The following THSD7B variants were observed in gnomAD, a reference collection of about 807,000 sequenced individuals.
The protein encoded by THSD7B is thrombospondin type 1 domain containing 7B.
Under a neutral mutation model 213.6 loss-of-function variants are expected in THSD7B, and 138 were observed. That is an observed-to-expected ratio of 0.65 (90% CI 0.56 to 0.74). THSD7B has a LOEUF of 0.74. Among genes scored for constraint, THSD7B ranks in the 30% least tolerant of loss-of-function variants. The probability of loss-of-function intolerance (pLI) is 0.00; values close to 1 mark genes in which losing one functional copy is unlikely to be tolerated. For missense variants in THSD7B, 1,931 were observed against 1,991.5 expected (o/e 0.97, Z 0.58); for synonymous variants, 742 against 687.0 (o/e 1.08, Z -1.25).
At chr2:137,494,934 G>T (rs768747514) in intron 15 of THSD7B, among the ~76,000 whole-genome samples, 7 of 152,012 alleles carry the variant, frequency 4.6e-5, no homozygotes, top group Non-Finnish European at 5.9e-5. Flanking sequence ...CCCATATTTT[G>T]TATCACCTTC....
rs7597219 is a variant in THSD7B, at chr2:137,451,265, C to A, written c.3138+242C>A. ...AGTAATAATATTTACAAAATCAAAT[C>A]AAATTGATTTTAAAATAATCTTAAG... On this transcript the variant is annotated intron_variant, in intron 15 of 27. Coordinates refer to ENST00000409968, the MANE Select transcript of THSD7B (RefSeq NM_001316349.2). Among the ~76,000 whole-genome samples, 1,384 of 151,774 alleles carry A rather than the reference C, an allele frequency of 9.1e-3. 18 individuals are homozygous for A. Among genetic ancestry groups the A allele is most frequent in the African/African-American group, 0.031 (1,283 of 41,404 alleles).
At chr2:137,665,239 C>T (rs957050873) in intron 26 of THSD7B, among the ~76,000 whole-genome samples, 6 of 152,102 alleles carry the variant, frequency 3.9e-5, no homozygotes, top group Non-Finnish European at 7.4e-5. Flanking sequence ...ATTTCTGACA[C>T]AGAATTAAGT....
At chr2:137,189,259 A>G (rs71419528) in intron 7 of THSD7B, among the ~76,000 whole-genome samples, 7,016 of 152,322 alleles carry the variant, frequency 0.046, 199 homozygotes, top group Admixed American at 0.069. Flanking sequence ...AATTCTTGTC[A>G]GAAAACTGGT....
At chr2:137,088,396 C>G (rs980426736) in intron 3 of THSD7B, among the ~76,000 whole-genome samples, 13 of 151,834 alleles carry the variant, frequency 8.6e-5, no homozygotes, top group Non-Finnish European at 1.9e-4. Flanking sequence ...CCCTTTTAAA[C>G]AAATGGTACT....
At chr2:136,986,935 T>C (rs1032510403) in intron 2 of THSD7B, among the ~76,000 whole-genome samples, 1 of 152,222 alleles carries the variant, frequency 6.6e-6, no homozygotes, top group African/African-American at 2.4e-5. Flanking sequence ...GTTTCGGGAA[T>C]AACTTGGTGC....
At chr2:137,624,526 G>T (rs1403011040) in intron 20 of THSD7B, among the ~76,000 whole-genome samples, 1 of 152,186 alleles carries the variant, frequency 6.6e-6, no homozygotes, top group African/African-American at 2.4e-5. Context: ...TACCATCAGA[G>T]TGAACAGGCA....
At chr2:137,396,915 G>C (rs1185005262) in intron 12 of THSD7B, among the ~76,000 whole-genome samples, 1 of 148,120 alleles carries the variant, frequency 6.8e-6, no homozygotes, top group African/African-American at 2.5e-5. Flanking sequence ...TTACCATTAT[G>C]TAATGGCCTT....
At chr2:137,576,679 A>G (rs1017568913) in intron 17 of THSD7B, among the ~76,000 whole-genome samples, 1 of 152,080 alleles carries the variant, frequency 6.6e-6, no homozygotes, top group Non-Finnish European at 1.5e-5. Flanking sequence ...GTGAAAGCCA[A>G]TGCAGAAGCT....
intron 1 of THSD7B, among the ~76,000 whole-genome samples, chr2:136,831,973 C>T (rs1483858308): frequency 6.6e-6 from 1 of 152,144 alleles, no homozygotes; most frequent in Non-Finnish European, 1.5e-5. Context: ...TGGCACCTAG[C>T]AAATGTATTA....
At chr2:137,497,400 G>A (rs549128027) in intron 15 of THSD7B, among the ~76,000 whole-genome samples, 4 of 152,050 alleles carry the variant, frequency 2.6e-5, no homozygotes, top group Admixed American at 1.3e-4. Context: ...TTTTCAACTT[G>A]TTAGTAAACT....
chr2:137,548,160 AC>A (rs1680777186), intron 15 of THSD7B, among the ~76,000 whole-genome samples: 1 of 151,878 alleles, frequency 6.6e-6, no homozygotes, highest in Non-Finnish European at 1.5e-5. Flanking sequence ...CATTAGCAAT[AC>A]TCCCTGGAAT....
At chr2:136,845,562 C>T (rs1376186928) in intron 1 of THSD7B, among the ~76,000 whole-genome samples, 1 of 152,096 alleles carries the variant, frequency 6.6e-6, no homozygotes, top group Admixed American at 6.6e-5. Context: ...ATCATAAGAG[C>T]ATAACTGAGG....
intron 15 of THSD7B, among the ~76,000 whole-genome samples, chr2:137,556,822 G>T (rs2105214824): frequency 6.6e-6 from 1 of 152,154 alleles, no homozygotes; most frequent in African/African-American, 2.4e-5. Flanking sequence ...ACACACATAG[G>T]CTCAAAAGAA....
intron 12 of THSD7B, among the ~76,000 whole-genome samples, chr2:137,404,099 C>T (rs1686439236): frequency 6.6e-6 from 1 of 151,804 alleles, no homozygotes; most frequent in Admixed American, 6.6e-5. Flanking sequence ...AGCATTAGTC[C>T]AGAGAATTCA....
chr2:137,207,949 C>T (rs985917968), intron 7 of THSD7B, among the ~76,000 whole-genome samples: 1 of 152,006 alleles, frequency 6.6e-6, no homozygotes, highest in African/African-American at 2.4e-5. Flanking sequence ...TTAATTAATG[C>T]AAGGCTGCCA....
rs115179525 is a variant in THSD7B at position 137,168,987 on chromosome 2, G to C, written c.1526-1754G>C. ...GGCTAGTTAATGATATAGACATGGA[G>C]GTATGGAGGTATAAAGCACGGCAGA... On this transcript the variant is annotated intron_variant, in intron 6 of 27. Coordinates refer to ENST00000409968, the MANE Select transcript of THSD7B (RefSeq NM_001316349.2). Among the ~76,000 whole-genome samples the C allele has an allele frequency of 8.6e-3, 1,304 of 151,902 alleles. 9 individuals carry two copies. Among genetic ancestry groups the C allele is most frequent in the Middle Eastern group, 0.082 (24 of 292 alleles).
intron 3 of THSD7B, among the ~76,000 whole-genome samples, chr2:137,063,747 T>A (rs1183926842): frequency 6.6e-6 from 1 of 152,038 alleles, no homozygotes; most frequent in African/African-American, 2.4e-5. Flanking sequence ...TAATTTTTCG[T>A]TGTCACAGGT....
At chr2:137,671,245 TTTAAA>T (rs1418131922) in intron 27 of THSD7B, among the ~76,000 whole-genome samples, 5 of 40,788 alleles carry the variant, frequency 1.2e-4, no homozygotes, top group East Asian at 2.0e-3. Context: ...CTTTTTTTTT[TTTAAA>T]AAAAAAAAAA....
At chr2:137,198,602 T>C (rs976327412) in intron 7 of THSD7B, among the ~76,000 whole-genome samples, 1 of 152,140 alleles carries the variant, frequency 6.6e-6, no homozygotes, top group Non-Finnish European at 1.5e-5. Flanking sequence ...AACATGTCCT[T>C]CTTCCCCTCC....
Sources: gnomAD v4.1 joint callset for allele counts (sites outside exome capture counted in the v4.1 genomes callset) on GRCh38, gnomAD v4.1.1 for gene constraint, MANE v1.5 for transcripts, NCBI Gene and HGNC (gene_info 2026-07-23, HGNC 2026-07-21) for gene names.